SNX31: variants seen among roughly 807,000 people sequenced by gnomAD.
SNX31 encodes the protein sorting nexin 31.
A neutral mutation model predicts 65.4 loss-of-function variants in SNX31; 58 were observed. The ratio of observed to expected loss-of-function variants is 0.89; its 90% CI spans 0.72 to 1.10. SNX31 has a LOEUF of 1.10. Among genes scored for constraint, SNX31 ranks in the 50% least tolerant of loss-of-function variants. The pLI, the probability that SNX31 is intolerant of heterozygous loss-of-function variation, is 0.00. For missense variants in SNX31, 523 were observed against 529.7 expected (o/e 0.99, Z 0.12); for synonymous variants, 181 against 190.1 (o/e 0.95, Z 0.39).
At chr8:100,661,796 C>G (rs1739148611) in intron 1 of SNX31, among the ~76,000 whole-genome samples, 1 of 152,094 alleles carries the variant, frequency 6.6e-6, no homozygotes. Context: ...TCCCAAAGTG[C>G]TGGGATTACA....
At chr8:100,628,483 C>G (rs534770564) in intron 4 of SNX31, among the ~76,000 whole-genome samples, 255 of 151,580 alleles carry the variant, frequency 1.7e-3, no homozygotes, top group Middle Eastern at 3.2e-3. Context: ...AGCAAACTAT[C>G]GCAAGGACAA....
chr8:100,617,588 A>C, intron 5 of SNX31, 32 bp downstream of exon 5: 1 of 1,417,276 alleles, frequency 7.1e-7, no homozygotes, highest in Non-Finnish European at 9.9e-7. Flanking sequence ...CCCTAGATTC[A>C]GTTCTGGAGC....
chr8:100,617,672 T>C lies in SNX31; in HGVS notation c.380A>G (p.Gln127Arg). The change falls in exon 5 of 14, where the codon CAG (glutamine) becomes CGG (arginine). Residue 127 changes from glutamine to arginine, a missense_variant. Coordinates refer to ENST00000311812, the MANE Select transcript of SNX31 (RefSeq NM_152628.4). ...TGTTATAATTTCGATTCTAATACTC[T>C]GTTCATTGGGCAGAAATATGTCCAG... The part of the protein sequence containing the change: ...AYLDIFLPNE[Q>R]SIRIEIITSD... 6.2e-7 allele frequency: 1 copy of C among 1,613,976 alleles called. No individual in the cohort carries two copies. The highest frequency in any genetic ancestry group is 8.5e-7 in the Non-Finnish European group (1 of 1,179,946).
At chr8:100,619,016 G>C (rs574994322) in intron 4 of SNX31, 3 of 152,236 alleles carry the variant, frequency 2.0e-5, no homozygotes, top group Admixed American at 2.0e-4. Flanking sequence ...CCAAGAGGCC[G>C]AGAGTTGTGG....
intron 8 of SNX31, among the ~76,000 whole-genome samples, chr8:100,607,522 ATGT>A (rs947439830): frequency 1.3e-5 from 2 of 152,246 alleles, no homozygotes; most frequent in Admixed American, 1.3e-4. Flanking sequence ...CAAAATGAAA[ATGT>A]TGTTCAAAAA....
At chr8:100,651,755 C>T (rs117413160), upstream of SNX31, among the ~76,000 whole-genome samples, 8,624 of 152,292 alleles carry the variant, frequency 0.057, 359 homozygotes, top group Non-Finnish European at 0.08. Context: ...TTAATTCTCA[C>T]AATTGCCTGA....
intron 2 of SNX31, among the ~76,000 whole-genome samples, chr8:100,637,884 C>T (rs558846165): frequency 1.5e-4 from 23 of 152,130 alleles, no homozygotes; most frequent in Middle Eastern, 3.4e-3. Context: ...TTAGTAGAGA[C>T]GGGGTTTTGC....
In SNX31 at chr8:100,588,272, T is replaced by C. The variant is rs1197684294; in HGVS notation, c.1092+594A>G. ...TAAAAAAATCTGCAATTGGAAACAA[T>C]TCTGGTGCTAAGCATTTGGGATAAG... On this transcript the variant is annotated intron_variant, in intron 11 of 13. Coordinates refer to ENST00000311812, the MANE Select transcript of SNX31 (RefSeq NM_152628.4). The surrounding 1 kb of genome is among the most constrained non-coding windows in gnomAD (Gnocchi z 4.8). Among the ~76,000 whole-genome samples, 1 of 152,206 alleles carries C rather than the reference T, an allele frequency of 6.6e-6. No homozygotes were observed. Among genetic ancestry groups the C allele is most frequent in the Non-Finnish European group, 1.5e-5 (1 of 68,030 alleles).
intron 8 of SNX31, 107 bp from the exon 9 acceptor site, chr8:100,600,548 T>C (rs1815527163): frequency 2.5e-6 from 2 of 800,714 alleles, no homozygotes; most frequent in Non-Finnish European, 4.0e-6. Flanking sequence ...CAAGTGGATA[T>C]ATATTTAGGG....
At chr8:100,592,118 G>A (rs772736696) in intron 10 of SNX31, among the ~76,000 whole-genome samples, 2 of 152,144 alleles carry the variant, frequency 1.3e-5, no homozygotes, top group African/African-American at 2.4e-5. Context: ...ATCCAGAAAT[G>A]ACAGAGATGA....
intron 4 of SNX31, among the ~76,000 whole-genome samples, chr8:100,621,839 C>T (rs1245778849): frequency 1.3e-5 from 2 of 152,212 alleles, no homozygotes; most frequent in Admixed American, 6.5e-5. Context: ...CTGTCTGGCA[C>T]GTCCTCCAGG....
chr8:100,582,997 G>T lies in SNX31; in HGVS notation c.1170+1114C>A, dbSNP rs1248730287. On this transcript the variant is annotated intron_variant, in intron 12 of 13. Coordinates refer to ENST00000311812, the MANE Select transcript of SNX31 (RefSeq NM_152628.4). The stretch of plus-strand genomic sequence containing the variant: ...ACTCCATCTAAAAAAAAAAAGAAAA[G>T]AAAAGAAAAGAAAAGTTTCCCAATA... Among the ~76,000 whole-genome samples, 3 of 149,408 alleles carry T rather than the reference G, an allele frequency of 2.0e-5. No individual in the cohort carries two copies. The East Asian group carries it at 6.0e-4, about 30-fold the overall frequency.
rs1818319859 is a variant in SNX31, at chr8:100,630,154, A to G, written c.321+173T>C. Among the ~76,000 whole-genome samples, 3 of 152,230 alleles carry G rather than the reference A, an allele frequency of 2.0e-5. No individual in the cohort carries two copies. In the South Asian group the frequency reaches 6.2e-4, roughly 32 times the overall value. On this transcript the variant is annotated intron_variant, in intron 4 of 13. Transcript: ENST00000311812. The surrounding 1 kb of genome is among the most constrained non-coding windows in gnomAD (Gnocchi z 5.3). Reference sequence around the variant, plus strand: ...TTTTCCATCTAAAATCTAAACCTCCAAAAGAACAAAATAGGAACCATCCCC... The same window carrying G: ...TTTTCCATCTAAAATCTAAACCTCCGAAAGAACAAAATAGGAACCATCCCC...
chr8:100,630,206 G>C lies in SNX31; in HGVS notation c.321+121C>G. ...AATTGACTTGAAATGAATATATTTT[G>C]TCCAAGTCCAGGCTCTGTGGGGCTG... On this transcript the variant is annotated intron_variant, in intron 4 of 13. Coordinates refer to ENST00000311812, the MANE Select transcript of SNX31 (RefSeq NM_152628.4). This position sits in a 1 kb window ranked among gnomAD's most constrained non-coding sequence, Gnocchi z 5.3. The C allele has an allele frequency of 1.3e-6, 1 of 794,832 alleles. No individual in the cohort carries two copies. Among genetic ancestry groups the C allele is most frequent in the South Asian group, 1.8e-5 (1 of 54,734 alleles). The allele number at this position is 794,832 out of a possible 1,614,324, so 49.2% of individuals were successfully genotyped here.
intron 11 of SNX31, among the ~76,000 whole-genome samples, chr8:100,587,756 C>A (rs1338316136): frequency 6.6e-6 from 1 of 152,144 alleles, no homozygotes; most frequent in African/African-American, 2.4e-5. Flanking sequence ...TACCTTCAGG[C>A]TATGTGTTTA....
chr8:100,589,021 C>T (rs757389412), intron 10 of SNX31, 42 bp from the exon 11 acceptor site: 70 of 1,524,508 alleles, frequency 4.6e-5, no homozygotes, highest in Non-Finnish European at 1.7e-5. Flanking sequence ...AATTTAAATG[C>T]CTATTAATTT....
At chr8:100,643,628 C>T (rs574613390) in intron 2 of SNX31, among the ~76,000 whole-genome samples, 1 of 152,072 alleles carries the variant, frequency 6.6e-6, no homozygotes. Flanking sequence ...GCGGGAGCAA[C>T]CCCAGACTCA....
At chr8:100,584,276 C>G in intron 11 of SNX31, 88 bp from the exon 12 acceptor site, 4 of 970,148 alleles carry the variant, frequency 4.1e-6, no homozygotes, top group Non-Finnish European at 5.9e-6. Context: ...CGGATTTTGA[C>G]TCTGCCCTCC....
Position 100,576,929 on chromosome 8 carries a change from A to G in SNX31, c.1227+90T>C. ...CTGAGAAACATAATTCTGACTTATT[A>G]TTGAAAGTGAGATGACTTTGGTTAA... On this transcript the variant is annotated intron_variant, in intron 13 of 13. Transcript: ENST00000311812. This position sits in a 1 kb window ranked among gnomAD's most constrained non-coding sequence, Gnocchi z 4.8. 1 of 1,051,612 alleles carries G rather than the reference A, an allele frequency of 9.5e-7. No individual in the cohort carries two copies. The highest frequency in any genetic ancestry group is 2.1e-5 in the Admixed American group (1 of 47,344). 65.1% of individuals were successfully genotyped at this position (1,051,612 alleles called of 1,614,324 possible). A position where few individuals can be genotyped will look rare whatever the true frequency, so the allele number is the denominator to read the frequency against.
Sources: allele counts gnomAD v4.1 joint callset (sites outside exome capture counted in the v4.1 genomes callset), GRCh38; gene constraint gnomAD v4.1.1; non-coding constraint Gnocchi (gnomAD v3.1); transcripts MANE v1.5; gene names NCBI Gene and HGNC (gene_info 2026-07-23, HGNC 2026-07-21).